The following ABHD1 variants were observed in gnomAD, a reference collection of about 807,000 sequenced individuals.
The protein encoded by ABHD1 is protein ABHD1.
Under a neutral mutation model 41.4 loss-of-function variants are expected in ABHD1, and 47 were observed. That is an observed-to-expected ratio of 1.13 (90% confidence interval 0.90 to 1.45). The LOEUF (loss-of-function observed/expected upper bound fraction) is 1.45, where lower values mean the gene tolerates loss of function less well. Among genes scored for constraint, ABHD1 ranks in the 40% most tolerant of loss-of-function variants. ABHD1 has a pLI of 0.00. For missense variants in ABHD1, 550 were observed against 503.4 expected, an observed-to-expected ratio of 1.09 and a Z score of -0.89; for synonymous variants, 205 against 203.7, an observed-to-expected ratio of 1.01 and a Z score of -0.05.
chr2:27,129,586 C>G lies in ABHD1; in HGVS notation c.577C>G (p.Pro193Ala). 1 of 1,613,870 alleles carries G rather than the reference C, an allele frequency of 6.2e-7. No individual in the cohort carries two copies. The highest frequency in any genetic ancestry group is 1.3e-5 in the African/African-American group (1 of 75,072). The change falls in exon 5 of 9, where the codon CCC becomes GCC. Residue 193 changes from proline to alanine, a missense_variant. Transcript: ENST00000316470. ...CGTGAACCACATAAAGCATCGTTAT[C>G]CCCAAGCTCCACTGCTGGCCGTGGG... Reference protein sequence around the residue: ...TVVNHIKHRYPQAPLLAVGIS... With the variant: ...TVVNHIKHRYAQAPLLAVGIS...
At chr2:27,127,588 T>A in intron 1 of ABHD1, among the ~76,000 whole-genome samples, 1 of 135,118 alleles carries the variant, frequency 7.4e-6, no homozygotes, top group Non-Finnish European at 1.6e-5. Context: ...AAAAAGATGG[T>A]GTCTCGCTCT....
rs760411062 is a variant in ABHD1 at position 27,130,486 on chromosome 2, G to A, written c.1007-47G>A. 2.5e-6 allele frequency: 4 copies of A among 1,611,576 alleles called. No individual in the cohort carries two copies. In the South Asian group the frequency reaches 3.3e-5, roughly 13 times the overall value. Reference sequence around the variant, plus strand: ...CCATGAGGGACGCAACAGACAGCCTGGGCTCCCAGTGAAGGCCAGTGTTTC... The same window carrying A: ...CCATGAGGGACGCAACAGACAGCCTAGGCTCCCAGTGAAGGCCAGTGTTTC... On this transcript the variant is annotated intron_variant, in intron 8 of 8. Coordinates refer to ENST00000316470, the MANE Select transcript of ABHD1 (RefSeq NM_032604.4).
At position 27,129,138 on chromosome 2, in the gene ABHD1, G is replaced by T; in HGVS notation, c.458+11G>T. The T allele has an allele frequency of 6.2e-7, 1 of 1,609,962 alleles. No homozygotes were observed. The highest frequency in any genetic ancestry group is 8.5e-7 in the Non-Finnish European group (1 of 1,177,694). On this transcript the variant is annotated intron_variant, in intron 3 of 8. Transcript: ENST00000316470. ...GAGGGATGGCTACCAGTAAGGATGG[G>T]TGCAGCCCCAGAGTGGGGTGGCATC...
Position 27,129,744 on chromosome 2 carries a change from A to T in ABHD1, c.618-10A>T. 2 of 1,613,770 alleles carry T rather than the reference A, an allele frequency of 1.2e-6. No homozygotes were observed. The highest frequency in any genetic ancestry group is 1.1e-5 in the South Asian group (1 of 91,076). ...ACCCTTCTTTCATGGTCCCTTGTCC[A>T]ATTCCACAGGATACTGGTGCTGAAT... On this transcript the variant is annotated splice_polypyrimidine_tract_variant and intron_variant, in intron 5 of 8. Coordinates refer to ENST00000316470, the MANE Select transcript of ABHD1 (RefSeq NM_032604.4).
Position 27,123,917 on chromosome 2 carries a change from G to A in ABHD1, c.-32G>A, listed in dbSNP as rs765386098. 3.8e-6 allele frequency: 6 copies of A among 1,597,982 alleles called. No individual in the cohort carries two copies. The highest frequency in any genetic ancestry group is 4.3e-6 in the Non-Finnish European group (5 of 1,166,058). ...ACAGCCGGCCAACTGGGGCCAGCCA[G>A]GAGCCTGAGGGTCGGAAGCCCCCAA... is the stretch of plus-strand genomic sequence containing the variant. On this transcript the variant is annotated 5_prime_UTR_variant, in exon 1 of 9. Coordinates refer to ENST00000316470, the MANE Select transcript of ABHD1 (RefSeq NM_032604.4).
At chr2:27,125,149 A>C (rs1365878364) in intron 1 of ABHD1, 2 of 152,240 alleles carry the variant, frequency 1.3e-5, no homozygotes, top group Non-Finnish European at 2.9e-5. Flanking sequence ...AAAAAAAAAA[A>C]AAAAGTCTTC....
At chr2:27,124,101 T>G (rs1486980593) in intron 1 of ABHD1, 39 bp downstream of exon 1, 1 of 1,579,060 alleles carries the variant, frequency 6.3e-7, no homozygotes, top group Non-Finnish European at 8.7e-7. Flanking sequence ...CGGGTTTGGG[T>G]GTAGGGGGCA....
intron 1 of ABHD1, chr2:27,124,327 C>T (rs1264430122): frequency 1.2e-5 from 7 of 565,916 alleles, no homozygotes; most frequent in Non-Finnish European, 2.0e-5. Flanking sequence ...TGGAAGGCAT[C>T]CTGAGGTATC....
rs779589126 is a variant in ABHD1 at position 27,130,536 on chromosome 2, T to C, written c.1010T>C (p.Leu337Pro). 1.9e-6 allele frequency: 3 copies of C among 1,613,996 alleles called. No homozygotes were observed. The highest frequency in any genetic ancestry group is 2.2e-5 in the East Asian group (1 of 44,892). Reference sequence around the variant, plus strand: ...CTAACCTCTGACCCTCTCCTAGCCCTTCCCATACAGGCCGCCCAACACTCC... The same window carrying C: ...CTAACCTCTGACCCTCTCCTAGCCCCTCCCATACAGGCCGCCCAACACTCC... ...ADDPFSPVCA[L>P]PIQAAQHSPY... Residue 337 changes from leucine (L) to proline (P), a missense_variant, in exon 9 of 9, where the codon CTT becomes CCT. Leu to Pro is a moderately conservative substitution (Grantham distance 98). Coordinates refer to ENST00000316470, the MANE Select transcript of ABHD1 (RefSeq NM_032604.4).
intron 2 of ABHD1, 86 bp from the exon 3 acceptor site, chr2:27,128,859 T>G (rs1231119075): frequency 2.0e-6 from 3 of 1,468,134 alleles, no homozygotes; most frequent in Non-Finnish European, 2.8e-6. Context: ...TGATAAGACT[T>G]GTTTGTGGGT....
At chr2:27,128,235 G>A (rs558385672) in intron 1 of ABHD1, among the ~76,000 whole-genome samples, 1 of 152,180 alleles carries the variant, frequency 6.6e-6, no homozygotes, top group Admixed American at 6.5e-5. Context: ...TGACACTCCA[G>A]GACTGGGTTT....
intron 1 of ABHD1, 142 bp downstream of exon 1, chr2:27,124,204 T>C (rs1160746815): frequency 3.8e-6 from 3 of 785,356 alleles, no homozygotes; most frequent in South Asian, 1.5e-5. Context: ...GAGAGTCGGC[T>C]CTGCCTCTCT....
Position 27,130,621 on chromosome 2 carries a change from G to C in ABHD1, c.1095G>C (p.Leu365=). Residue 365 remains leucine, a synonymous_variant, in exon 9 of 9, where the codon CTG becomes CTC. Coordinates refer to ENST00000316470, the MANE Select transcript of ABHD1 (RefSeq NM_032604.4). ...GCCACATCGGCTTCCTGGAAGGGCTGCTCCCGTGGCAGCACTGGTACATGA... is the reference window on the plus strand; with the variant it reads ...GCCACATCGGCTTCCTGGAAGGGCTCCTCCCGTGGCAGCACTGGTACATGA... ...RGGHIGFLEG[L]LPWQHWYMSR... is the part of the protein sequence containing the mutation. 4.3e-6 allele frequency: 7 copies of C among 1,614,170 alleles called. No homozygotes were observed. The highest frequency in any genetic ancestry group is 5.1e-6 in the Non-Finnish European group (6 of 1,180,024).
rs781520698 is a variant in ABHD1, at chr2:27,130,432, C to T, written c.1006+16C>T. Reference sequence around the variant, plus strand: ...CCCGTCTGTGGTGAGTACTCTGATTCAGGACACTTTGGCCCCAAGGAAAAT... The same window carrying T: ...CCCGTCTGTGGTGAGTACTCTGATTTAGGACACTTTGGCCCCAAGGAAAAT... On this transcript the variant is annotated intron_variant, in intron 8 of 8. Transcript: ENST00000316470. 36 of 1,613,814 alleles carry T rather than the reference C, an allele frequency of 2.2e-5. No individual in the cohort carries two copies. The highest frequency in any genetic ancestry group is 3.1e-5 in the Non-Finnish European group (36 of 1,179,826).
intron 1 of ABHD1, 137 bp downstream of exon 1, chr2:27,124,199 T>C (rs765867017): frequency 2.5e-6 from 2 of 808,438 alleles, no homozygotes; most frequent in Non-Finnish European, 4.2e-6. Context: ...GAATGGAGAG[T>C]CGGCTCTGCC....
Position 27,130,619 on chromosome 2 carries a change from C to G in ABHD1, c.1093C>G (p.Leu365Val), listed in dbSNP as rs1299421267. ...TGGCCACATCGGCTTCCTGGAAGGG[C>G]TGCTCCCGTGGCAGCACTGGTACAT... ...RGGHIGFLEG[L>V]LPWQHWYMSR... The change falls in exon 9 of 9, where the codon CTG becomes GTG. Residue 365 changes from leucine (L) to valine (V), a missense_variant. By Grantham distance (32) the Leu-to-Val change is conservative (BLOSUM62 1). Transcript: ENST00000316470. 8 of 1,614,060 alleles carry G rather than the reference C, an allele frequency of 5.0e-6. No homozygotes were observed. The highest frequency in any genetic ancestry group is 1.3e-5 in the African/African-American group (1 of 74,942).
At position 27,129,530 on chromosome 2, in the gene ABHD1, G is replaced by A. The variant is rs751426535; in HGVS notation, c.521G>A (p.Cys174Tyr). ...TGCCCTCAGACCCACAGGGCTTTTTGTGCCAGCAATACTGAAGATCTAGAG... is the reference window on the plus strand; with the variant it reads ...TGCCCTCAGACCCACAGGGCTTTTTATGCCAGCAATACTGAAGATCTAGAG... ...GEELRTHRAFCASNTEDLETV... is the reference protein window; with the variant it reads ...GEELRTHRAFYASNTEDLETV... The change falls in exon 5 of 9, where the codon TGT becomes TAT. Residue 174 changes from cysteine (C) to tyrosine (Y), a missense_variant. Transcript: ENST00000316470. 4.3e-6 allele frequency: 7 copies of A among 1,614,000 alleles called. No individual in the cohort carries two copies. In the Admixed American group the frequency reaches 5.0e-5, roughly 12 times the overall value.
chr2:27,123,852 A>C lies in ABHD1; in HGVS notation c.-97A>C. On this transcript the variant is annotated 5_prime_UTR_variant, in exon 1 of 9. Transcript: ENST00000316470. ...TGCCTGCAGCGGGGACCGGACCTGCACAGGCCGCCTATGGCGGGCGGCGGG... is the reference window on the plus strand; with the variant it reads ...TGCCTGCAGCGGGGACCGGACCTGCCCAGGCCGCCTATGGCGGGCGGCGGG... 9.3e-7 allele frequency: 1 copy of C among 1,078,046 alleles called. No homozygotes were observed. The highest frequency in any genetic ancestry group is 1.4e-6 in the Non-Finnish European group (1 of 708,148). 66.8% of individuals were successfully genotyped at this position (1,078,046 alleles called of 1,614,324 possible).
In ABHD1 at chr2:27,128,457, C is replaced by T; in HGVS notation, c.131C>T (p.Ala44Val). ...TGATTACAGAGGCCTCGGCTGGTGG[C>T]TGGGCCGCAGTTTCTGGCCTTCCTG... ...ACVLQRPRLV[A>V]GPQFLAFLEP... is the part of the protein sequence containing the mutation. Residue 44 changes from alanine (A) to valine (V), a missense_variant, in exon 2 of 9, where the codon GCT becomes GTT. Physicochemically the swap from Ala to Val is moderately conservative, Grantham distance 64 (BLOSUM62 0). Transcript: ENST00000316470. 6.2e-7 allele frequency: 1 copy of T among 1,614,052 alleles called. No homozygotes were observed. Among genetic ancestry groups the T allele is most frequent in the South Asian group, 1.1e-5 (1 of 91,078 alleles).
Sources: gnomAD v4.1 joint callset for allele counts (sites outside exome capture counted in the v4.1 genomes callset) on GRCh38, gnomAD v4.1.1 for gene constraint, MANE v1.5 for transcripts, NCBI Gene and HGNC (gene_info 2026-07-23, HGNC 2026-07-21) for gene names.